ATRNL1: variants seen among roughly 807,000 people sequenced by gnomAD.
The protein encoded by ATRNL1 is attractin-like protein 1.
Under a neutral mutation model 182.7 loss-of-function variants are expected in ATRNL1, and 95 were observed. The observed-to-expected ratio is 0.52, with a 90% CI of 0.44 to 0.62. The LOEUF (loss-of-function observed/expected upper bound fraction) is 0.62. Ranked by LOEUF, ATRNL1 falls within the 20% of genes least tolerant of loss-of-function variation. The probability of loss-of-function intolerance (pLI) is 0.00; values close to 1 mark genes in which losing one functional copy is unlikely to be tolerated. For missense variants in ATRNL1, 1,471 were observed against 1,679.5 expected (o/e 0.88, Z 2.17); for synonymous variants, 576 against 568.3 (o/e 1.01, Z -0.19).
Position 115,442,270 on chromosome 10 carries a change from G to GCTCTCTCTCTCTCTCTCTCTCTCT in ATRNL1, c.3322+15979_3322+16002dup, listed in dbSNP as rs71895625. ...CGCAGCTTCATTTTCATTTGTGTTTGCTCTCTCTCTCTCTCTCTCTCTCTC... is the reference window on the plus strand; with the variant it reads ...CGCAGCTTCATTTTCATTTGTGTTTGCTCTCTCTCTCTCTCTCTCTCTCTCTCTCTCTCTCTCTCTCTCTCTCTC... On this transcript the variant is annotated intron_variant, in intron 21 of 28. Coordinates refer to ENST00000355044, the MANE Select transcript of ATRNL1 (RefSeq NM_207303.4). 5.1e-4 allele frequency among the ~76,000 whole-genome samples: 51 copies of GCTCTCTCTCTCTCTCTCTCTCTCT among 100,382 alleles called. 1 individual carries two copies. The highest frequency in any genetic ancestry group is 1.8e-3 in the African/African-American group (41 of 22,624). 65.9% of individuals were successfully genotyped at this position (100,382 alleles called of 152,430 possible).
chr10:115,533,159 A>G (rs1164808247), intron 25 of ATRNL1, among the ~76,000 whole-genome samples: 3 of 152,128 alleles, frequency 2.0e-5, no homozygotes, highest in Non-Finnish European at 4.4e-5. Flanking sequence ...ATTGATTGGA[A>G]TAGTTTCAGA....
chr10:115,832,642 G>A (rs1452588669), intron 27 of ATRNL1, among the ~76,000 whole-genome samples: 3 of 152,106 alleles, frequency 2.0e-5, no homozygotes, highest in African/African-American at 7.2e-5. Context: ...TCCAAGTCTC[G>A]ACTCTTCCAC....
chr10:115,865,416 T>C (rs1951417730), intron 28 of ATRNL1, among the ~76,000 whole-genome samples: 1 of 152,210 alleles, frequency 6.6e-6, no homozygotes, highest in South Asian at 2.1e-4. Flanking sequence ...AAGTTGGTCA[T>C]ATTCCAAAGT....
chr10:115,201,512 C>G lies in ATRNL1; in HGVS notation c.1349-14185C>G, dbSNP rs540560373. 1.2e-4 allele frequency among the ~76,000 whole-genome samples: 19 copies of G among 152,182 alleles called. No individual in the cohort carries two copies. The East Asian group carries it at 2.5e-3, about 20-fold the overall frequency. ...AATCCTTTCCCCATTGCTCGTTTTTCTCAGGTTTGTCAAAGATCTGATAGT... is the reference window on the plus strand; with the variant it reads ...AATCCTTTCCCCATTGCTCGTTTTTGTCAGGTTTGTCAAAGATCTGATAGT... On this transcript the variant is annotated intron_variant, in intron 8 of 28. Coordinates refer to ENST00000355044, the MANE Select transcript of ATRNL1 (RefSeq NM_207303.4).
At position 115,847,879 on chromosome 10, in the gene ATRNL1, G is replaced by A. The variant is rs374293001; in HGVS notation, c.3906G>A (p.Gly1302=). The change falls in exon 28 of 29, where the codon GGG becomes GGA. Residue 1302 remains glycine (G), a splice_region_variant and synonymous_variant. Transcript: ENST00000355044. ...TTAAAGTGGGTTTTCTTTTTCAGGG[G>A]GCACCCAAGCCAATTGCCATTGAAC... ...QTEFLRGPLE[G]APKPIAIEPC... 1 of 1,595,200 alleles carries A rather than the reference G, an allele frequency of 6.3e-7. No individual in the cohort carries two copies. The highest frequency in any genetic ancestry group is 8.6e-7 in the Non-Finnish European group (1 of 1,163,460).
At chr10:115,811,578 G>A (rs1950047573) in intron 27 of ATRNL1, among the ~76,000 whole-genome samples, 1 of 151,864 alleles carries the variant, frequency 6.6e-6, no homozygotes, top group Non-Finnish European at 1.5e-5. Flanking sequence ...TATAATTGTA[G>A]TCTTATTTAT....
At chr10:115,786,006 A>G (rs781792429) in intron 27 of ATRNL1, among the ~76,000 whole-genome samples, 3 of 152,144 alleles carry the variant, frequency 2.0e-5, no homozygotes, top group Non-Finnish European at 4.4e-5. Context: ...GGCACCGCTA[A>G]TGTTCTTATT....
At chr10:115,623,004 T>A (rs1401734285) in intron 26 of ATRNL1, among the ~76,000 whole-genome samples, 1 of 152,176 alleles carries the variant, frequency 6.6e-6, no homozygotes, top group African/African-American at 2.4e-5. Flanking sequence ...ATCACAACGG[T>A]ATAATAAATT....
At chr10:115,762,116 A>G (rs1209342142) in intron 27 of ATRNL1, among the ~76,000 whole-genome samples, 1 of 152,208 alleles carries the variant, frequency 6.6e-6, no homozygotes, top group Non-Finnish European at 1.5e-5. Flanking sequence ...CACCTCACAC[A>G]TGAACTCTGG....
At chr10:115,097,640 A>C (rs1408564185) in intron 1 of ATRNL1, among the ~76,000 whole-genome samples, 1 of 152,168 alleles carries the variant, frequency 6.6e-6, no homozygotes, top group African/African-American at 2.4e-5. Context: ...AAATATATGC[A>C]TATTGCCTGG....
chr10:115,490,289 C>T (rs1355164594), intron 24 of ATRNL1, among the ~76,000 whole-genome samples: 1 of 152,140 alleles, frequency 6.6e-6, no homozygotes, highest in Non-Finnish European at 1.5e-5. Context: ...TAGGTCGGGG[C>T]AGTTCTCCTG....
chr10:115,389,515 C>T lies in ATRNL1; in HGVS notation c.3176-5144C>T, dbSNP rs1438684244. Among the ~76,000 whole-genome samples the T allele has an allele frequency of 6.5e-5, 5 of 76,584 alleles. No individual in the cohort carries two copies. In the Admixed American group the frequency reaches 7.2e-4, roughly 11 times the overall value. The allele number at this position is 76,584 out of a possible 152,430, so 50.2% of individuals were successfully genotyped here. On this transcript the variant is annotated intron_variant, in intron 19 of 28. Coordinates refer to ENST00000355044, the MANE Select transcript of ATRNL1 (RefSeq NM_207303.4). ...GACTCCGTCTCAAAAAAAAAAAAAG[C>T]TGAATAGTATTCAAATGTGTATGTG... is the stretch of plus-strand genomic sequence containing the variant.
intron 27 of ATRNL1, among the ~76,000 whole-genome samples, chr10:115,838,228 T>C (rs1471532770): frequency 1.3e-5 from 2 of 152,216 alleles, no homozygotes; most frequent in African/African-American, 4.8e-5. Context: ...TTTCAAACTC[T>C]ATTGTCAAAA....
At chr10:115,736,974 T>A (rs1170480836) in intron 27 of ATRNL1, among the ~76,000 whole-genome samples, 1 of 152,014 alleles carries the variant, frequency 6.6e-6, no homozygotes, top group Admixed American at 6.6e-5. Flanking sequence ...CCGTGTGAGT[T>A]GCTCATATTA....
intron 26 of ATRNL1, among the ~76,000 whole-genome samples, chr10:115,698,776 CAA>C (rs57473482): frequency 2.3e-5 from 3 of 128,774 alleles, no homozygotes; most frequent in Non-Finnish European, 5.0e-5. Flanking sequence ...GACTCCATCT[CAA>C]AAAAAAAAAG....
chr10:115,839,852 T>C (rs1041169870), intron 27 of ATRNL1, among the ~76,000 whole-genome samples: 2 of 152,188 alleles, frequency 1.3e-5, no homozygotes, highest in East Asian at 1.9e-4. Flanking sequence ...TGTATTCTTA[T>C]GGTGGCCTTC....
intron 27 of ATRNL1, among the ~76,000 whole-genome samples, chr10:115,771,549 T>C (rs1555076415): frequency 6.6e-6 from 1 of 152,214 alleles, no homozygotes. Flanking sequence ...ACTTCTTATC[T>C]GCCTCTTAAT....
chr10:115,120,098 T>TTAA, intron 1 of ATRNL1, 87 bp from the exon 2 acceptor site: 1 of 789,938 alleles, frequency 1.3e-6, no homozygotes, highest in East Asian at 2.9e-5. Context: ...TTCCTTTGGC[T>TTAA]TAATGACTTT....
chr10:115,452,927 A>C (rs1233255199), intron 21 of ATRNL1, among the ~76,000 whole-genome samples: 1 of 152,024 alleles, frequency 6.6e-6, no homozygotes, highest in Non-Finnish European at 1.5e-5. Context: ...ATTTCTTATA[A>C]ATGTGGGATA....
Sources: gnomAD v4.1 joint callset for allele counts (sites outside exome capture counted in the v4.1 genomes callset) on GRCh38, gnomAD v4.1.1 for gene constraint, MANE v1.5 for transcripts, NCBI Gene and HGNC (gene_info 2026-07-23, HGNC 2026-07-21) for gene names.